Variants in SLC41A2 observed in about 807,000 individuals in gnomAD.
The protein encoded by SLC41A2 is SLC41A1-like 1.
In SLC41A2, 32 loss-of-function variants were observed where a neutral mutation model predicts 58.3. The observed-to-expected ratio is 0.55, with a 90% CI of 0.41 to 0.74. The LOEUF is 0.74. Among genes scored for constraint, SLC41A2 ranks in the 30% least tolerant of loss-of-function variants. The probability of loss-of-function intolerance (pLI) is 0.00; values close to 1 mark genes in which losing one functional copy is unlikely to be tolerated. For synonymous variants in SLC41A2, 190 were observed against 235.0 expected, an observed-to-expected ratio of 0.81 and a Z score of 1.75; for missense variants, 514 against 680.6, an observed-to-expected ratio of 0.76 and a Z score of 2.72.
At chr12:104,844,117 A>G (rs1374690941) in intron 10 of SLC41A2, among the ~76,000 whole-genome samples, 7 of 152,314 alleles carry the variant, frequency 4.6e-5, no homozygotes, top group African/African-American at 1.7e-4. Flanking sequence ...CATGCCCAGG[A>G]AGCCAAAATA....
At chr12:104,952,172 AGCAAC>A (rs2047981006) in intron 1 of SLC41A2, among the ~76,000 whole-genome samples, 1 of 152,214 alleles carries the variant, frequency 6.6e-6, no homozygotes, top group Non-Finnish European at 1.5e-5. Context: ...TACCAGAAAC[AGCAAC>A]GTCATGTCTA....
intron 6 of SLC41A2, among the ~76,000 whole-genome samples, chr12:104,875,129 C>T (rs12297659): frequency 0.033 from 5,045 of 152,222 alleles, 262 homozygotes; most frequent in African/African-American, 0.11. Flanking sequence ...GTATGTTAAA[C>T]CATACTTGCA....
intron 2 of SLC41A2, among the ~76,000 whole-genome samples, chr12:104,922,476 GTATA>G (rs58387912): frequency 6.7e-6 from 1 of 148,820 alleles, no homozygotes; most frequent in Admixed American, 6.7e-5. Flanking sequence ...CATAACAATT[GTATA>G]TATATATATA....
intron 8 of SLC41A2, among the ~76,000 whole-genome samples, chr12:104,848,579 G>T (rs2042689430): frequency 6.6e-6 from 1 of 152,052 alleles, no homozygotes; most frequent in Non-Finnish European, 1.5e-5. Flanking sequence ...AAGAATGAAA[G>T]AGAAGTCATC....
intron 2 of SLC41A2, among the ~76,000 whole-genome samples, chr12:104,921,016 G>C (rs961863817): frequency 6.6e-6 from 1 of 151,860 alleles, no homozygotes; most frequent in Non-Finnish European, 1.5e-5. Flanking sequence ...AGGAACTGAG[G>C]TGGGAGGATC....
At chr12:104,929,307 C>A (rs991618774) in intron 1 of SLC41A2, among the ~76,000 whole-genome samples, 8 of 152,056 alleles carry the variant, frequency 5.3e-5, no homozygotes, top group Non-Finnish European at 1.0e-4. Flanking sequence ...GATATAAAAG[C>A]TCATTATAAT....
intron 5 of SLC41A2, 115 bp downstream of exon 5, chr12:104,888,918 T>A (rs1014158604): frequency 2.8e-6 from 3 of 1,077,068 alleles, no homozygotes; most frequent in Non-Finnish European, 3.9e-6. Context: ...AGTTTGTAGA[T>A]ATGTTTTTTC....
At chr12:104,828,145 C>T (rs962973867) in intron 10 of SLC41A2, among the ~76,000 whole-genome samples, 1 of 152,184 alleles carries the variant, frequency 6.6e-6, no homozygotes, top group Non-Finnish European at 1.5e-5. Context: ...AGCAGAGAAA[C>T]AGATGGGCGG....
chr12:104,835,195 A>G (rs2042166842), intron 10 of SLC41A2, among the ~76,000 whole-genome samples: 1 of 152,222 alleles, frequency 6.6e-6, no homozygotes, highest in Non-Finnish European at 1.5e-5. Flanking sequence ...ACAGTGCCTG[A>G]GCAGTGACTG....
At chr12:104,835,480 T>G (rs1185075080) in intron 10 of SLC41A2, among the ~76,000 whole-genome samples, 1 of 152,230 alleles carries the variant, frequency 6.6e-6, no homozygotes, top group Non-Finnish European at 1.5e-5. Context: ...CCCTGAGTTT[T>G]TCTCATTTGC....
intron 10 of SLC41A2, among the ~76,000 whole-genome samples, chr12:104,827,313 G>A (rs2041880968): frequency 6.6e-6 from 1 of 152,126 alleles, no homozygotes; most frequent in Admixed American, 6.5e-5. Flanking sequence ...TAGTCACCTC[G>A]GTCTTTTATA....
intron 8 of SLC41A2, among the ~76,000 whole-genome samples, chr12:104,860,225 G>A (rs2136417453): frequency 1.3e-5 from 2 of 152,040 alleles, no homozygotes; most frequent in Middle Eastern, 6.8e-3. Flanking sequence ...TCACACACCA[G>A]GGCCTGTCAG....
In SLC41A2 at chr12:104,804,962, C is replaced by T. The variant is rs772708350; in HGVS notation, c.*190G>A. On this transcript the variant is annotated 3_prime_UTR_variant, in exon 11 of 11. Transcript: ENST00000258538. Reference sequence around the variant, plus strand: ...ATCATTTATTCTATGAAAAGCAGCACGAATACTCTTCATTCTGGTTTTGAC... The same window carrying T: ...ATCATTTATTCTATGAAAAGCAGCATGAATACTCTTCATTCTGGTTTTGAC... 5.9e-5 allele frequency: 29 copies of T among 494,910 alleles called. No homozygotes were observed. Among genetic ancestry groups the T allele is most frequent in the Admixed American group, 9.6e-5 (3 of 31,226 alleles). The allele number at this position is 494,910 out of a possible 1,614,324, so 30.7% of individuals were successfully genotyped here. A position where few individuals can be genotyped will look rare whatever the true frequency, so the allele number is the denominator to read the frequency against.
At chr12:104,911,750 A>G (rs1173512344) in intron 2 of SLC41A2, among the ~76,000 whole-genome samples, 1 of 152,194 alleles carries the variant, frequency 6.6e-6, no homozygotes, top group Non-Finnish European at 1.5e-5. Flanking sequence ...TCCTGGTTCA[A>G]AGAGTTCACA....
At chr12:104,912,219 C>A (rs990926380) in intron 2 of SLC41A2, among the ~76,000 whole-genome samples, 1 of 152,118 alleles carries the variant, frequency 6.6e-6, no homozygotes, top group Admixed American at 6.5e-5. Context: ...CATCTAAAAT[C>A]GTTAGAATTT....
intron 2 of SLC41A2, among the ~76,000 whole-genome samples, chr12:104,919,809 A>C (rs10861295): frequency 2.6e-5 from 4 of 151,902 alleles, no homozygotes; most frequent in Admixed American, 2.6e-4. Flanking sequence ...TGTTCAGAGT[A>C]AACTGTTTCT....
upstream of SLC41A2, chr12:104,958,447 C>G (rs1282336138): frequency 6.6e-6 from 1 of 151,724 alleles, no homozygotes; most frequent in African/African-American, 2.4e-5. Flanking sequence ...CCGCCCCGCC[C>G]GGACCCCGGC....
At chr12:104,894,188 T>C (rs2045165919) in intron 4 of SLC41A2, among the ~76,000 whole-genome samples, 1 of 151,922 alleles carries the variant, frequency 6.6e-6, no homozygotes, top group Non-Finnish European at 1.5e-5. Flanking sequence ...ACCCCGTCTC[T>C]ACAAAAAGTA....
rs17036430 is a variant in SLC41A2 at position 104,838,266 on chromosome 12, T to C, written c.1536+6206A>G. 2.0e-5 allele frequency among the ~76,000 whole-genome samples: 3 copies of C among 152,324 alleles called. No homozygotes were observed. The East Asian group carries it at 5.8e-4, about 29-fold the overall frequency. ...CTGCACTGTTAGTGTCGTAGGTATATTCACATTACAAACACATGTTCAACA... is the reference window on the plus strand; with the variant it reads ...CTGCACTGTTAGTGTCGTAGGTATACTCACATTACAAACACATGTTCAACA... On this transcript the variant is annotated intron_variant, in intron 10 of 10. Transcript: ENST00000258538.
Sources: gnomAD v4.1 joint callset for allele counts (sites outside exome capture counted in the v4.1 genomes callset) on GRCh38, gnomAD v4.1.1 for gene constraint, MANE v1.5 for transcripts, NCBI Gene and HGNC (gene_info 2026-07-23, HGNC 2026-07-21) for gene names.